IGLON5: variants seen among roughly 807,000 people sequenced by gnomAD.
IGLON5 encodes IgLON family member 5.
A neutral mutation model predicts 38.2 loss-of-function variants in IGLON5; 16 were observed. The ratio of observed to expected loss-of-function variants is 0.42; its 90% CI spans 0.28 to 0.64. IGLON5 has a LOEUF of 0.64. Ranked by LOEUF, IGLON5 falls within the 30% of genes least tolerant of loss-of-function variation. The pLI is 0.23. For synonymous variants in IGLON5, 207 were observed against 216.4 expected, an observed-to-expected ratio of 0.96 and a Z score of 0.38; for missense variants, 366 against 483.4, an observed-to-expected ratio of 0.76 and a Z score of 2.28.
rs1271724798 is a variant in IGLON5, at chr19:51,311,654, C to T, written c.-194C>T. On this transcript the variant is annotated 5_prime_UTR_variant, in exon 1 of 8. Transcript: ENST00000270642. ...CCGGTCTCCCTGCCCGTCAGCGCCG[C>T]CCCCCTCCCCGGGTCTGCAGCAGCT... Among the ~76,000 whole-genome samples, 1 of 144,056 alleles carries T rather than the reference C, an allele frequency of 6.9e-6. No individual in the cohort carries two copies. The highest frequency in any genetic ancestry group is 6.8e-5 in the Admixed American group (1 of 14,746). The allele number at this position is 144,056 out of a possible 152,430, so 94.5% of individuals were successfully genotyped here. A position where few individuals can be genotyped will look rare whatever the true frequency, so the allele number is the denominator to read the frequency against.
chr19:51,330,052 TCCTGAGCCCAGACAAAGATG>T lies in IGLON5; in HGVS notation c.*1296_*1315del. ...GGGACAGAGAGGCATCACACAGACATCCTGAGCCCAGACAAAGATGCCATGTCACCAACTCCGACTCCCAG... is the reference window on the plus strand; with the variant it reads ...GGGACAGAGAGGCATCACACAGACATCCATGTCACCAACTCCGACTCCCAG... On this transcript the variant is annotated 3_prime_UTR_variant, in exon 8 of 8. Coordinates refer to ENST00000270642, the MANE Select transcript of IGLON5 (RefSeq NM_001101372.3). 1.3e-5 allele frequency: 2 copies of T among 152,352 alleles called. No individual in the cohort carries two copies. The highest frequency in any genetic ancestry group is 3.9e-4 in the East Asian group (2 of 5,170). 9.4% of individuals were successfully genotyped at this position (152,352 alleles called of 1,614,324 possible). A position where few individuals can be genotyped will look rare whatever the true frequency, so the allele number is the denominator to read the frequency against.
Position 51,323,747 on chromosome 19 carries a change from G to A in IGLON5, c.244G>A (p.Asp82Asn), listed in dbSNP as rs760643094. The change falls in exon 3 of 8, where the codon GAC (aspartate) becomes AAC (asparagine). Residue 82 changes from aspartate (D) to asparagine (N), a missense_variant. Coordinates refer to ENST00000270642, the MANE Select transcript of IGLON5 (RefSeq NM_001101372.3). ...TGCCGGCAATGACCGCTGGACCAGC[G>A]ACCCGCGGGTGCGGCTGCTCATCAA... ...LYAGNDRWTS[D>N]PRVRLLINTP... 129 of 1,613,834 alleles carry A rather than the reference G, an allele frequency of 8.0e-5. No homozygotes were observed. Among genetic ancestry groups the A allele is most frequent in the Non-Finnish European group, 5.5e-5 (65 of 1,179,894 alleles).
rs1399109909 is a variant in IGLON5, at chr19:51,323,797, C to T, written c.294C>T (p.Leu98=). Residue 98 remains leucine (L), a synonymous_variant, in exon 3 of 8, where the codon CTC becomes CTT. Transcript: ENST00000270642. ...LINTPEEFSI[L]ITEVGLGDEG... ...ACACCCCCGAGGAGTTCTCCATCCT[C>T]ATCACCGAGGTGGGGCTCGGCGACG... 1 of 1,613,858 alleles carries T rather than the reference C, an allele frequency of 6.2e-7. No homozygotes were observed. Among genetic ancestry groups the T allele is most frequent in the Non-Finnish European group, 8.5e-7 (1 of 1,179,894 alleles).
At chr19:51,316,216 G>T (rs185065680) in intron 1 of IGLON5, among the ~76,000 whole-genome samples, 1 of 149,086 alleles carries the variant, frequency 6.7e-6, no homozygotes, top group Admixed American at 6.6e-5. Context: ...ATGGTGGCAC[G>T]CACCAGTAGT....
chr19:51,328,795 G>T lies in IGLON5; in HGVS notation c.*36G>T. On this transcript the variant is annotated 3_prime_UTR_variant, in exon 8 of 8. Transcript: ENST00000270642. ...GTGGAGCTCACCTCCCCCTGCAGGG[G>T]GCCTCAGGCCAAGAGTGAGAGAAAC... 3 of 1,489,696 alleles carry T rather than the reference G, an allele frequency of 2.0e-6. No homozygotes were observed. The highest frequency in any genetic ancestry group is 2.7e-6 in the Non-Finnish European group (3 of 1,098,516). 92.3% of individuals were successfully genotyped at this position (1,489,696 alleles called of 1,614,324 possible). A position where few individuals can be genotyped will look rare whatever the true frequency, so the allele number is the denominator to read the frequency against.
rs1482645850 is a variant in IGLON5 at position 51,326,745 on chromosome 19, C to T, written c.512-19C>T. ...TGTTTGTGTCCGGCCCCGCCCCCTC[C>T]TCCTCCTTCCCCCCACAGACGGCTT... On this transcript the variant is annotated intron_variant, in intron 4 of 7. Transcript: ENST00000270642. 3.2e-6 allele frequency: 5 copies of T among 1,540,434 alleles called. No individual in the cohort carries two copies. Among genetic ancestry groups the T allele is most frequent in the Non-Finnish European group, 3.5e-6 (4 of 1,142,384 alleles).
chr19:51,321,955 CAGG>C, intron 1 of IGLON5, 106 bp from the exon 2 acceptor site: 1 of 885,220 alleles, frequency 1.1e-6, no homozygotes, highest in Admixed American at 1.8e-5. Context: ...GCAGCGGGTG[CAGG>C]AGACGTCTGT....
chr19:51,315,770 ACTGCAAG>A (rs1984905078), intron 1 of IGLON5, among the ~76,000 whole-genome samples: 1 of 135,904 alleles, frequency 7.4e-6, no homozygotes, highest in South Asian at 2.4e-4. Flanking sequence ...ATCTCAGCTC[ACTGCAAG>A]CTCCGCCTCC....
intron 1 of IGLON5, among the ~76,000 whole-genome samples, chr19:51,315,688 C>CTTTTTTTTTTTTTT: frequency 1.2e-5 from 1 of 82,590 alleles, no homozygotes; most frequent in Non-Finnish European, 2.3e-5. Flanking sequence ...GGAAGTCAAC[C>CTTTTTTTTTTTTTT]TTTTTTTTTT....
Position 51,323,262 on chromosome 19 carries a change from GTC to G in IGLON5, c.159-396_159-395del, listed in dbSNP as rs529162752. Among the ~76,000 whole-genome samples, 201 of 146,792 alleles carry G rather than the reference GTC, an allele frequency of 1.4e-3. 1 individual carries two copies. Among genetic ancestry groups the G allele is most frequent in the African/African-American group, 4.6e-3 (181 of 39,242 alleles). ...TCTCTGTGTCTCTCTCTCTCTCTGG[GTC>G]TCTGTCCCTCTGTGTGTGTGTGTGT... On this transcript the variant is annotated intron_variant, in intron 2 of 7. Coordinates refer to ENST00000270642, the MANE Select transcript of IGLON5 (RefSeq NM_001101372.3).
chr19:51,312,772 T>C (rs966915232), intron 1 of IGLON5, among the ~76,000 whole-genome samples: 4 of 152,094 alleles, frequency 2.6e-5, no homozygotes, highest in Non-Finnish European at 5.9e-5. Context: ...GCCCTCCCAG[T>C]TGGGGAGAGG....
Position 51,324,015 on chromosome 19 carries a change from A to G in IGLON5, c.391+121A>G. 1 of 686,064 alleles carries G rather than the reference A, an allele frequency of 1.5e-6. No homozygotes were observed. Among genetic ancestry groups the G allele is most frequent in the Non-Finnish European group, 2.4e-6 (1 of 411,428 alleles). The allele number at this position is 686,064 out of a possible 1,614,324, so 42.5% of individuals were successfully genotyped here. A position where few individuals can be genotyped will look rare whatever the true frequency, so the allele number is the denominator to read the frequency against. ...GATACATAGCGAGAAAGACAGACAC[A>G]GCCTTGCCCTTGGGGATTTCAGCCC... On this transcript the variant is annotated intron_variant, in intron 3 of 7. Coordinates refer to ENST00000270642, the MANE Select transcript of IGLON5 (RefSeq NM_001101372.3). This position sits in a 1 kb window ranked among gnomAD's most constrained non-coding sequence, Gnocchi z 4.2.
chr19:51,323,522 TG>T, intron 2 of IGLON5, 139 bp from the exon 3 acceptor site: 1 of 676,758 alleles, frequency 1.5e-6, no homozygotes, highest in Non-Finnish European at 2.6e-6. Context: ...AGCTGTATGG[TG>T]GGCACAGCAG....
chr19:51,319,485 G>C (rs985511174), intron 1 of IGLON5, among the ~76,000 whole-genome samples: 1 of 152,084 alleles, frequency 6.6e-6, no homozygotes, highest in Non-Finnish European at 1.5e-5. Context: ...AAAGTGCAAA[G>C]TTGGGAATCA....
At chr19:51,313,912 A>G (rs1165118721) in intron 1 of IGLON5, among the ~76,000 whole-genome samples, 1 of 151,522 alleles carries the variant, frequency 6.6e-6, no homozygotes, top group African/African-American at 2.4e-5. Context: ...TTCTTTGTAG[A>G]GATGGGGGTC....
Position 51,327,901 on chromosome 19 carries a change from G to A in IGLON5, c.922+15G>A. 6.7e-7 allele frequency: 1 copy of A among 1,491,230 alleles called. No individual in the cohort carries two copies. The highest frequency in any genetic ancestry group is 8.9e-7 in the Non-Finnish European group (1 of 1,119,084). 92.4% of individuals were successfully genotyped at this position (1,491,230 alleles called of 1,614,324 possible). ...GCGGCTCCTGCGTGCGTCTTCGGGC[G>A]GGGCGGGGCCGGGAAGGTGGGCGGG... On this transcript the variant is annotated intron_variant, in intron 7 of 7. Transcript: ENST00000270642. The surrounding 1 kb of genome is among the most constrained non-coding windows in gnomAD (Gnocchi z 7.1).
At chr19:51,328,434 C>A (rs1985268388) in intron 7 of IGLON5, among the ~76,000 whole-genome samples, 1 of 151,038 alleles carries the variant, frequency 6.6e-6, no homozygotes, top group Non-Finnish European at 1.5e-5. Flanking sequence ...ATTGCTTGAA[C>A]CTGGGAGGCA....
intron 1 of IGLON5, among the ~76,000 whole-genome samples, chr19:51,314,201 T>TTTTG (rs1984856467): frequency 1.1e-5 from 1 of 89,936 alleles, no homozygotes; most frequent in African/African-American, 5.0e-5. Flanking sequence ...TTTTTTTTTT[T>TTTTG]GAGGCAGAGT....
At chr19:51,319,456 G>C (rs547552325) in intron 1 of IGLON5, among the ~76,000 whole-genome samples, 1 of 152,130 alleles carries the variant, frequency 6.6e-6, no homozygotes, top group South Asian at 2.1e-4. Context: ...CTTTGTGTGC[G>C]TCTGACCCAG....
Sources: gnomAD v4.1 joint callset for allele counts (sites outside exome capture counted in the v4.1 genomes callset) on GRCh38, gnomAD v4.1.1 for gene constraint, Gnocchi (gnomAD v3.1) non-coding constraint, MANE v1.5 for transcripts, NCBI Gene and HGNC (gene_info 2026-07-23, HGNC 2026-07-21) for gene names.